SYT14: variants seen among roughly 807,000 people sequenced by gnomAD.
SYT14 encodes synaptotagmin 14.
A neutral mutation model predicts 74.2 loss-of-function variants in SYT14; 32 were observed. That is an observed-to-expected ratio of 0.43 (90% CI 0.33 to 0.58). The LOEUF (loss-of-function observed/expected upper bound fraction) is 0.58. Among genes scored for constraint, SYT14 ranks in the 20% least tolerant of loss-of-function variants. The pLI is 0.05. For synonymous variants in SYT14, 298 were observed against 337.7 expected (o/e 0.88, Z 1.29); for missense variants, 791 against 981.8 (o/e 0.81, Z 2.60).
At chr1:210,045,382 C>G (rs970902592) in intron 5 of SYT14, among the ~76,000 whole-genome samples, 3 of 152,144 alleles carry the variant, frequency 2.0e-5, no homozygotes, top group Admixed American at 2.0e-4. Flanking sequence ...TTATTTCAGA[C>G]CCTTACATTT....
At chr1:209,962,135 G>A (rs921800279) in intron 2 of SYT14, among the ~76,000 whole-genome samples, 16 of 152,012 alleles carry the variant, frequency 1.1e-4, no homozygotes, top group African/African-American at 3.6e-4. Context: ...TGACTAAACA[G>A]TATGTAATGA....
chr1:209,989,455 T>C (rs1210034716), intron 2 of SYT14, among the ~76,000 whole-genome samples: 1 of 152,228 alleles, frequency 6.6e-6, no homozygotes, highest in Non-Finnish European at 1.5e-5. Flanking sequence ...ATTAGTTTTA[T>C]CTTACATTTA....
At chr1:210,041,978 C>A (rs991245950) in intron 5 of SYT14, among the ~76,000 whole-genome samples, 4 of 152,062 alleles carry the variant, frequency 2.6e-5, no homozygotes, top group African/African-American at 9.7e-5. Flanking sequence ...TGACTGGGAT[C>A]ACTGAGCCAA....
At position 210,074,954 on chromosome 1, in the gene SYT14, A is replaced by G. The variant is rs1487014393; in HGVS notation, c.1313-19368A>G. ...ATCGCAAGGACAGAGAGCTTTCTGT[A>G]TCCCAGGGTTCTTGCCTTAGTGTAC... On this transcript the variant is annotated intron_variant, in intron 5 of 9. Transcript: ENST00000637265. 4.6e-5 allele frequency among the ~76,000 whole-genome samples: 7 copies of G among 152,238 alleles called. No homozygotes were observed. The South Asian group carries it at 8.3e-4, about 18-fold the overall frequency.
At chr1:210,161,337 A>C (rs755396924) in exon 10 of SYT14, 1 of 506,006 alleles carries the variant, frequency 2.0e-6, no homozygotes, top group South Asian at 1.6e-5. Flanking sequence ...TTAATTTAGC[A>C]AAAGAGCCAG....
chr1:210,096,384 A>T (rs146233890), intron 6 of SYT14, among the ~76,000 whole-genome samples: 130 of 152,140 alleles, frequency 8.5e-4, no homozygotes, highest in African/African-American at 1.5e-3. Context: ...TGTGTGTGTG[A>T]GAGAGAGAGA....
chr1:210,047,523 G>A (rs1456435631), intron 5 of SYT14, among the ~76,000 whole-genome samples: 3 of 151,928 alleles, frequency 2.0e-5, no homozygotes, highest in Admixed American at 2.0e-4. Flanking sequence ...TCAGCCTCCC[G>A]AGTAGCTAGG....
intron 2 of SYT14, among the ~76,000 whole-genome samples, chr1:210,012,225 A>G (rs1406391005): frequency 1.3e-5 from 2 of 152,236 alleles, no homozygotes; most frequent in African/African-American, 2.4e-5. Context: ...CAGCACTGGA[A>G]TAAGTGTTCC....
rs957684974 is a variant in SYT14, at chr1:209,940,421, G to A, written c.-534+2144G>A. On this transcript the variant is annotated intron_variant, in intron 1 of 9. Transcript: ENST00000637265. ...CAATGTTCATTGCTAGATTCCATGG[G>A]GCCAAAAAGATAAGTAAGACTATAA... Among the ~76,000 whole-genome samples the A allele has an allele frequency of 4.6e-5, 7 of 151,412 alleles. 1 individual carries two copies. The South Asian group carries it at 6.3e-4, about 14-fold the overall frequency.
At chr1:209,946,470 G>A (rs183254572) in intron 1 of SYT14, among the ~76,000 whole-genome samples, 1 of 152,330 alleles carries the variant, frequency 6.6e-6, no homozygotes, top group Admixed American at 6.5e-5. Context: ...TGGTCTGGAT[G>A]GCAGATCAAA....
chr1:210,043,598 A>T (rs1278827383), intron 5 of SYT14, among the ~76,000 whole-genome samples: 2 of 152,180 alleles, frequency 1.3e-5, no homozygotes, highest in African/African-American at 4.8e-5. Flanking sequence ...CAGAATTAAC[A>T]AGCTTGGATG....
intron 7 of SYT14, among the ~76,000 whole-genome samples, chr1:210,112,513 A>G (rs1294661705): frequency 6.6e-6 from 1 of 151,314 alleles, no homozygotes; most frequent in Admixed American, 6.6e-5. Flanking sequence ...GTGTCGGAAG[A>G]GATTGATAAG....
At chr1:210,005,324 G>T (rs748248576) in intron 2 of SYT14, among the ~76,000 whole-genome samples, 2 of 151,916 alleles carry the variant, frequency 1.3e-5, no homozygotes, top group South Asian at 4.1e-4. Context: ...GTATTTATCA[G>T]AATTTTGATG....
At chr1:209,952,012 C>T (rs2102678264) in intron 1 of SYT14, among the ~76,000 whole-genome samples, 1 of 152,230 alleles carries the variant, frequency 6.6e-6, no homozygotes, top group South Asian at 2.1e-4. Flanking sequence ...TAAAGGGCTC[C>T]TGGAATGCCA....
At chr1:210,021,132 A>G (rs766168343) in exon 5 of SYT14, 1 of 1,614,078 alleles carries the variant, frequency 6.2e-7, no homozygotes, top group Admixed American at 1.7e-5. Flanking sequence ...TCCAGAACAC[A>G]CAATTCCAGA....
intron 2 of SYT14, among the ~76,000 whole-genome samples, chr1:210,001,599 A>T (rs2079901631): frequency 6.6e-6 from 1 of 152,078 alleles, no homozygotes; most frequent in South Asian, 2.1e-4. Context: ...ATAACAAATG[A>T]TATAAAAAGT....
intron 5 of SYT14, among the ~76,000 whole-genome samples, chr1:210,049,899 C>T (rs533954041): frequency 3.3e-5 from 5 of 152,306 alleles, no homozygotes; most frequent in African/African-American, 1.2e-4. Context: ...GCCTGGCCCA[C>T]AAAACCACTT....
intron 5 of SYT14, among the ~76,000 whole-genome samples, chr1:210,045,140 CTCATT>C (rs1214661312): frequency 2.0e-5 from 3 of 152,102 alleles, no homozygotes; most frequent in Admixed American, 6.6e-5. Flanking sequence ...CTTGAATAGA[CTCATT>C]TCATTCGGTG....
exon 10 of SYT14, chr1:210,168,584 G>C (rs553076214): frequency 1.4e-4 from 22 of 152,202 alleles, no homozygotes; most frequent in African/African-American, 5.3e-4. Context: ...TATATATTCA[G>C]ATATTGCTAG....
Sources: gnomAD v4.1 joint callset for allele counts (sites outside exome capture counted in the v4.1 genomes callset) on GRCh38, gnomAD v4.1.1 for gene constraint, MANE v1.5 for transcripts, NCBI Gene and HGNC (gene_info 2026-07-23, HGNC 2026-07-21) for gene names.